SEMA3C: variants seen among roughly 807,000 people sequenced by gnomAD.
The protein encoded by SEMA3C is semaphorin 3C, also known as semaphorin-3C.
SEMA3C carries 47 observed loss-of-function variants against 89.4 expected under a neutral mutation model. That is an observed-to-expected ratio of 0.53 (90% CI 0.42 to 0.67). SEMA3C has a LOEUF of 0.67. Among genes scored for constraint, SEMA3C ranks in the 30% least tolerant of loss-of-function variants. The probability of loss-of-function intolerance (pLI) is 0.00; values close to 1 mark genes in which losing one functional copy is unlikely to be tolerated. For synonymous variants in SEMA3C, 310 were observed against 320.2 expected (o/e 0.97, Z 0.34); for missense variants, 839 against 929.1 (o/e 0.90, Z 1.26).
intron 2 of SEMA3C, among the ~76,000 whole-genome samples, chr7:80,838,045 T>TA (rs1790174079): frequency 6.6e-6 from 1 of 152,270 alleles, no homozygotes; most frequent in South Asian, 2.1e-4. Flanking sequence ...CATGGTGAAT[T>TA]AAAAATATGA....
chr7:80,781,444 C>T (rs1788688488), intron 12 of SEMA3C, among the ~76,000 whole-genome samples: 1 of 152,182 alleles, frequency 6.6e-6, no homozygotes, highest in Non-Finnish European at 1.5e-5. Flanking sequence ...CCAACTTAAA[C>T]TATATTTCGC....
chr7:80,848,846 T>C (rs1790447499), intron 2 of SEMA3C, among the ~76,000 whole-genome samples: 1 of 152,208 alleles, frequency 6.6e-6, no homozygotes, highest in Non-Finnish European at 1.5e-5. Context: ...TTTCGTTTTA[T>C]TTTTCAATTT....
intron 5 of SEMA3C, among the ~76,000 whole-genome samples, chr7:80,816,608 T>G (rs2115750839): frequency 6.6e-6 from 1 of 152,200 alleles, no homozygotes; most frequent in South Asian, 2.1e-4. Context: ...TATATAAAAG[T>G]GATGTTATGG....
At chr7:80,758,598 C>A (rs530413983) in intron 14 of SEMA3C, 110 bp from the exon 15 acceptor site, 1 of 1,095,946 alleles carries the variant, frequency 9.1e-7, no homozygotes, top group Non-Finnish European at 1.4e-6. Flanking sequence ...ATTTTGGAAC[C>A]GATTAAAAAC....
chr7:80,883,763 C>G (rs1791407815), intron 2 of SEMA3C, among the ~76,000 whole-genome samples: 1 of 152,194 alleles, frequency 6.6e-6, no homozygotes, highest in Non-Finnish European at 1.5e-5. Context: ...TATCAAAGCA[C>G]ATCTTTAAAT....
intron 12 of SEMA3C, among the ~76,000 whole-genome samples, chr7:80,774,989 G>C (rs192544049): frequency 1.1e-4 from 17 of 151,954 alleles, no homozygotes; most frequent in Admixed American, 3.3e-4. Context: ...ATTGTCATGG[G>C]AACAAGGAAC....
At chr7:80,759,652 A>C (rs1172619722) in intron 14 of SEMA3C, among the ~76,000 whole-genome samples, 1 of 152,246 alleles carries the variant, frequency 6.6e-6, no homozygotes, top group East Asian at 1.9e-4. Context: ...GTACAGTAAA[A>C]TACCAGTTAA....
At chr7:80,836,931 C>G (rs527289097) in intron 2 of SEMA3C, among the ~76,000 whole-genome samples, 1 of 152,244 alleles carries the variant, frequency 6.6e-6, no homozygotes, top group Non-Finnish European at 1.5e-5. Flanking sequence ...GGCTGCTCTA[C>G]TTTTAAGCAA....
chr7:80,814,985 A>G (rs1789565322), intron 5 of SEMA3C, among the ~76,000 whole-genome samples: 2 of 152,166 alleles, frequency 1.3e-5, no homozygotes, highest in African/African-American at 4.8e-5. Context: ...TGACAACACA[A>G]TTCTGTTCCT....
intron 15 of SEMA3C, among the ~76,000 whole-genome samples, chr7:80,753,530 TA>T (rs1787985651): frequency 6.6e-6 from 1 of 152,332 alleles, no homozygotes; most frequent in South Asian, 2.1e-4. Flanking sequence ...AAAACATTGT[TA>T]TGGCTTGGCT....
intron 15 of SEMA3C, among the ~76,000 whole-genome samples, chr7:80,755,199 C>T (rs1043238400): frequency 2.6e-5 from 4 of 151,432 alleles, no homozygotes; most frequent in Non-Finnish European, 5.9e-5. Context: ...GCATGATAGA[C>T]TCATTTCTTT....
chr7:80,754,830 T>G (rs1788018285), intron 15 of SEMA3C, among the ~76,000 whole-genome samples: 1 of 151,880 alleles, frequency 6.6e-6, no homozygotes, highest in African/African-American at 2.4e-5. Context: ...CAGGCTAGAG[T>G]GCAATGGCGC....
chr7:80,780,195 C>A (rs1230361204), intron 12 of SEMA3C, among the ~76,000 whole-genome samples: 1 of 152,088 alleles, frequency 6.6e-6, no homozygotes, highest in African/African-American at 2.4e-5. Context: ...GCAGCCACTC[C>A]CATGTGAAAT....
chr7:80,864,725 T>C (rs1038897175), intron 2 of SEMA3C, among the ~76,000 whole-genome samples: 2 of 152,200 alleles, frequency 1.3e-5, no homozygotes, highest in African/African-American at 2.4e-5. Context: ...CATATCACTC[T>C]AGATTCTCCA....
At chr7:80,870,445 T>C (rs1562915995) in intron 2 of SEMA3C, among the ~76,000 whole-genome samples, 1 of 152,248 alleles carries the variant, frequency 6.6e-6, no homozygotes, top group Non-Finnish European at 1.5e-5. Flanking sequence ...ACCTTGGGCA[T>C]GCTAAATGAC....
At chr7:80,747,394 T>C (rs1787826685) in intron 17 of SEMA3C, among the ~76,000 whole-genome samples, 1 of 152,156 alleles carries the variant, frequency 6.6e-6, no homozygotes. Flanking sequence ...TATTATTCTA[T>C]TGAACTTTCT....
intron 10 of SEMA3C, among the ~76,000 whole-genome samples, chr7:80,799,338 CT>C (rs1352636161): frequency 2.6e-5 from 4 of 151,982 alleles, no homozygotes; most frequent in Non-Finnish European, 5.9e-5. Flanking sequence ...AGTTGATTGT[CT>C]AATCAAAGGG....
chr7:80,863,424 A>G (rs1583954190), intron 2 of SEMA3C, among the ~76,000 whole-genome samples: 1 of 151,918 alleles, frequency 6.6e-6, no homozygotes, highest in Non-Finnish European at 1.5e-5. Context: ...GCAAACTAGT[A>G]CAGCCGCTAT....
chr7:80,902,617 C>T (rs1047835318), intron 2 of SEMA3C, among the ~76,000 whole-genome samples: 4 of 152,142 alleles, frequency 2.6e-5, no homozygotes, highest in Non-Finnish European at 5.9e-5. Context: ...TTAAGACTAA[C>T]TAACATCAAT....
Sources: allele counts gnomAD v4.1 joint callset (sites outside exome capture counted in the v4.1 genomes callset), GRCh38; gene constraint gnomAD v4.1.1; transcripts MANE v1.5; gene names NCBI Gene and HGNC (gene_info 2026-07-23, HGNC 2026-07-21).